BLTP1: variants seen among roughly 807,000 people sequenced by gnomAD.
The protein encoded by BLTP1 is bridge-like lipid transfer protein family member 1.
chr4:122,215,300 A>T, the BLTP1 span: 1 of 890,664 alleles, frequency 1.1e-6, no homozygotes, highest in Non-Finnish European at 1.3e-6. Flanking sequence ...TACTGTAATA[A>T]TCTACAGGAA....
At chr4:122,235,851 A>G in the BLTP1 span, among the ~76,000 whole-genome samples, 1 of 152,184 alleles carries the variant, frequency 6.6e-6, no homozygotes, top group Non-Finnish European at 1.5e-5. Context: ...CTGCAAATAC[A>G]CCAGTTTGCT....
the BLTP1 span, chr4:122,250,973 A>G: frequency 2.5e-5 from 25 of 985,096 alleles, no homozygotes; most frequent in Non-Finnish European, 3.0e-5. Context: ...TGCTTATTTC[A>G]GTTAAGAGTT....
the BLTP1 span, among the ~76,000 whole-genome samples, chr4:122,277,859 T>C: frequency 6.6e-6 from 1 of 152,166 alleles, no homozygotes; most frequent in African/African-American, 2.4e-5. Context: ...TACAGATCTC[T>C]AAAATAAGGT....
At chr4:122,195,728 T>C in the BLTP1 span, 6 of 641,830 alleles carry the variant, frequency 9.3e-6, no homozygotes, top group Non-Finnish European at 1.2e-5. Flanking sequence ...ATTTTCTATA[T>C]TTATGTGTCT....
At chr4:122,274,308 C>A in the BLTP1 span, 2 of 1,102,814 alleles carry the variant, frequency 1.8e-6, no homozygotes, top group South Asian at 1.3e-5. Flanking sequence ...ATCTTATATC[C>A]AGAATTCAAA....
chr4:122,239,755 A>G, the BLTP1 span: 1 of 1,614,190 alleles, frequency 6.2e-7, no homozygotes, highest in Non-Finnish European at 8.5e-7. Flanking sequence ...TCACCAAAGC[A>G]GAGGAGAAGT....
the BLTP1 span, chr4:122,234,984 G>A: frequency 6.2e-7 from 1 of 1,609,820 alleles, no homozygotes; most frequent in Non-Finnish European, 8.5e-7. Context: ...ACAGCCTGGA[G>A]AATGGATAAT....
chr4:122,282,004 T>A, the BLTP1 span: 1 of 983,632 alleles, frequency 1.0e-6, no homozygotes, highest in Non-Finnish European at 1.2e-6. Flanking sequence ...ATTATTCAAC[T>A]ATGGAGGCCA....
chr4:122,172,025 T>A, the BLTP1 span: 1 of 741,228 alleles, frequency 1.3e-6, no homozygotes, highest in Non-Finnish European at 1.6e-6. Flanking sequence ...AAAATGACTT[T>A]AAACTTGAGA....
chr4:122,229,358 A>T, the BLTP1 span: 1 of 751,794 alleles, frequency 1.3e-6, no homozygotes, highest in Non-Finnish European at 2.0e-6. Context: ...ACAAAATTTT[A>T]GGAGAAAACT....
the BLTP1 span, chr4:122,199,359 G>T: frequency 6.2e-7 from 1 of 1,611,300 alleles, no homozygotes; most frequent in South Asian, 1.1e-5. Flanking sequence ...TTATTATTAG[G>T]TTACACTCCT....
chr4:122,249,586 C>T, the BLTP1 span: 3 of 1,613,736 alleles, frequency 1.9e-6, no homozygotes, highest in Non-Finnish European at 2.5e-6. Flanking sequence ...TGAAACTGAT[C>T]AGCAAGCTGT....
At chr4:122,226,692 A>G in the BLTP1 span, 2 of 1,612,666 alleles carry the variant, frequency 1.2e-6, no homozygotes, top group South Asian at 2.2e-5. Flanking sequence ...TCAACTTGTC[A>G]CTGATTATCT....
the BLTP1 span, among the ~76,000 whole-genome samples, chr4:122,260,372 T>G: frequency 6.6e-6 from 1 of 152,116 alleles, no homozygotes; most frequent in East Asian, 1.9e-4. Context: ...GCTAATTTTC[T>G]AAAATATAAA....
chr4:122,205,499 TTCTC>T, the BLTP1 span, among the ~76,000 whole-genome samples: 360 of 140,750 alleles, frequency 2.6e-3, no homozygotes, highest in African/African-American at 5.3e-3. Flanking sequence ...TTCCAATTGT[TTCTC>T]TCTCTCTCTC....
chr4:122,353,974 T>C, the BLTP1 span: 1 of 1,613,460 alleles, frequency 6.2e-7, no homozygotes, highest in Admixed American at 1.7e-5. The surrounding 1 kb of genome is among the most constrained non-coding windows in gnomAD (Gnocchi z 4.3). Flanking sequence ...GAGTAGCAAG[T>C]GTGAAAGAAT....
At chr4:122,299,708 G>A in the BLTP1 span, 1 of 686,578 alleles carries the variant, frequency 1.5e-6, no homozygotes, top group Admixed American at 6.3e-5. Context: ...TAGCTGGGTT[G>A]GGGGGGTGAT....
the BLTP1 span, chr4:122,340,730 T>C: frequency 1.0e-6 from 1 of 985,070 alleles, no homozygotes; most frequent in Non-Finnish European, 1.2e-6. Context: ...CTTCAAAATA[T>C]TGCTGTTGGA....
chr4:122,214,160 ATTT>A, the BLTP1 span: 1 of 843,728 alleles, frequency 1.2e-6, no homozygotes, highest in South Asian at 5.5e-5. Context: ...GCCTATTGTT[ATTT>A]TTTTTTTCTG....
Sources: allele counts gnomAD v4.1 joint callset (sites outside exome capture counted in the v4.1 genomes callset), GRCh38; gene constraint gnomAD v4.1.1; non-coding constraint Gnocchi (gnomAD v3.1); transcripts MANE v1.5; gene names NCBI Gene and HGNC (gene_info 2026-07-23, HGNC 2026-07-21).